ZBTB16: variants seen among roughly 807,000 people sequenced by gnomAD.
ZBTB16 encodes zinc finger and BTB domain containing 16.
In ZBTB16, 8 loss-of-function variants were observed where a neutral mutation model predicts 56.8. That is an observed-to-expected ratio of 0.14 (90% CI 0.08 to 0.25). The LOEUF is 0.25. Among genes scored for constraint, ZBTB16 ranks in the 10% least tolerant of loss-of-function variants. ZBTB16 has a pLI of 1.00. For missense variants in ZBTB16, 625 were observed against 903.0 expected, an observed-to-expected ratio of 0.69 and a Z score of 3.95; for synonymous variants, 363 against 368.5, an observed-to-expected ratio of 0.98 and a Z score of 0.17.
At chr11:114,224,995 G>A (rs910179246) in intron 4 of ZBTB16, among the ~76,000 whole-genome samples, 4 of 152,112 alleles carry the variant, frequency 2.6e-5, no homozygotes, top group African/African-American at 4.8e-5. Context: ...GAGGCAACGT[G>A]GGTAGGCAGC....
At chr11:114,167,216 G>GTTTTTTTTTTTTTGTTTTTTTT (rs1942783199) in intron 3 of ZBTB16, among the ~76,000 whole-genome samples, 1 of 79,940 alleles carries the variant, frequency 1.3e-5, no homozygotes, top group African/African-American at 4.4e-5. Context: ...TGGATTTGTG[G>GTTTTTTTTTTTTTGTTTTTTTT]TTTTTTTTTT....
At chr11:114,223,034 C>T (rs1944262564) in intron 4 of ZBTB16, among the ~76,000 whole-genome samples, 1 of 152,136 alleles carries the variant, frequency 6.6e-6, no homozygotes, top group Non-Finnish European at 1.5e-5. Flanking sequence ...ACATGTTCCA[C>T]CAGTGCCCAG....
chr11:114,089,267 T>A (rs950650568), intron 2 of ZBTB16, among the ~76,000 whole-genome samples: 3 of 152,166 alleles, frequency 2.0e-5, no homozygotes, highest in Non-Finnish European at 4.4e-5. Context: ...GGCAGGGATG[T>A]CTCATTTGTA....
intron 3 of ZBTB16, among the ~76,000 whole-genome samples, chr11:114,160,421 C>A (rs756302045): frequency 3.3e-5 from 5 of 152,180 alleles, no homozygotes; most frequent in African/African-American, 4.8e-5. Context: ...CCTTTCTCTC[C>A]CTGTCGTCCT....
chr11:114,185,585 C>T (rs932251571), intron 3 of ZBTB16, among the ~76,000 whole-genome samples: 3 of 152,302 alleles, frequency 2.0e-5, no homozygotes, highest in African/African-American at 7.2e-5. Context: ...GAGGAACCTG[C>T]ATCTGTTGAG....
At chr11:114,220,428 G>A (rs766079231) in intron 4 of ZBTB16, among the ~76,000 whole-genome samples, 3 of 152,182 alleles carry the variant, frequency 2.0e-5, no homozygotes, top group Middle Eastern at 3.2e-3. Flanking sequence ...TCTAGCCTCC[G>A]ATGCTTACAG....
chr11:114,064,697 ACTT>A lies in ZBTB16; in HGVS notation c.1268+135_1268+137del, dbSNP rs1198708131. 3.2e-6 allele frequency: 4 copies of A among 1,234,064 alleles called. No individual in the cohort carries two copies. Among genetic ancestry groups the A allele is most frequent in the East Asian group, 2.5e-5 (1 of 39,284 alleles). 76.4% of individuals were successfully genotyped at this position (1,234,064 alleles called of 1,614,324 possible). A position where few individuals can be genotyped will look rare whatever the true frequency, so the allele number is the denominator to read the frequency against. ...TGGCAATTTGTGAAAAAACCAGAAC[ACTT>A]CTTCTAAAGTTCTGGCGGGGAGGGG... On this transcript the variant is annotated intron_variant, in intron 2 of 6. Transcript: ENST00000335953. This position sits in a 1 kb window ranked among gnomAD's most constrained non-coding sequence, Gnocchi z 4.2.
chr11:114,078,334 G>C (rs946367026), intron 2 of ZBTB16, among the ~76,000 whole-genome samples: 2 of 152,180 alleles, frequency 1.3e-5, no homozygotes, highest in African/African-American at 2.4e-5. Flanking sequence ...CCTACAAGTT[G>C]TTGGCTGGTA....
At chr11:114,158,332 C>T (rs1181420211) in intron 3 of ZBTB16, among the ~76,000 whole-genome samples, 1 of 152,122 alleles carries the variant, frequency 6.6e-6, no homozygotes, top group Non-Finnish European at 1.5e-5. Flanking sequence ...AGTGCTGTAG[C>T]CAGACTCATT....
At chr11:114,106,828 C>G (rs1370272610) in intron 2 of ZBTB16, among the ~76,000 whole-genome samples, 3 of 152,234 alleles carry the variant, frequency 2.0e-5, no homozygotes, top group Admixed American at 2.0e-4. Flanking sequence ...TCCTTTTTAT[C>G]CTGCTTCCAA....
chr11:114,085,338 A>G (rs1165210646), intron 2 of ZBTB16, among the ~76,000 whole-genome samples: 1 of 152,196 alleles, frequency 6.6e-6, no homozygotes, highest in African/African-American at 2.4e-5. Flanking sequence ...AGGTCCCCCA[A>G]ACAGTGAGGC....
At chr11:114,216,855 C>A (rs424337) in intron 4 of ZBTB16, among the ~76,000 whole-genome samples, 1 of 152,128 alleles carries the variant, frequency 6.6e-6, no homozygotes, top group East Asian at 1.9e-4. Flanking sequence ...GACCCAGTCT[C>A]TTGATTCAAG....
chr11:114,156,277 A>C, intron 2 of ZBTB16, 60 bp from the exon 3 acceptor site: 1 of 1,556,812 alleles, frequency 6.4e-7, no homozygotes, highest in South Asian at 1.1e-5. Flanking sequence ...CAGGTAGGGG[A>C]TGGCCCTGCC....
Position 114,121,488 on chromosome 11 carries a change from G to C in ZBTB16, c.1269-34849G>C, listed in dbSNP as rs1442472277. ...GTCGTCTTTCTTATTCTCATGCCTG[G>C]TTCTTGATTGTGGCTAGCACCATGG... On this transcript the variant is annotated intron_variant, in intron 2 of 6. Coordinates refer to ENST00000335953, the MANE Select transcript of ZBTB16 (RefSeq NM_006006.6). Among the ~76,000 whole-genome samples, 6 of 152,234 alleles carry C rather than the reference G, an allele frequency of 3.9e-5. 1 individual carries two copies. The highest frequency in any genetic ancestry group is 3.9e-4 in the Admixed American group (6 of 15,294).
In ZBTB16 at chr11:114,117,404, G is replaced by A. The variant is rs374211540; in HGVS notation, c.1269-38933G>A. Among the ~76,000 whole-genome samples, 43 of 152,140 alleles carry A rather than the reference G, an allele frequency of 2.8e-4. No homozygotes were observed. The East Asian group carries it at 6.0e-3, about 21-fold the overall frequency. On this transcript the variant is annotated intron_variant, in intron 2 of 6. Transcript: ENST00000335953. ...CACAGCATTGGGGATGGATATGTGG[G>A]AGTCAGAGGAACCACCTAGGAGCCC...
intron 4 of ZBTB16, among the ~76,000 whole-genome samples, chr11:114,210,233 A>G (rs955166817): frequency 2.0e-5 from 3 of 151,614 alleles, no homozygotes; most frequent in Non-Finnish European, 2.9e-5. Flanking sequence ...TCGGGTTCCC[A>G]AGCATTTACT....
At chr11:114,090,600 ATG>A (rs922602050) in intron 2 of ZBTB16, among the ~76,000 whole-genome samples, 2 of 152,186 alleles carry the variant, frequency 1.3e-5, no homozygotes, top group African/African-American at 2.4e-5. Context: ...GAGCTTCCAA[ATG>A]TGTGGCTTTG....
At chr11:114,091,933 C>A (rs1184265831) in intron 2 of ZBTB16, among the ~76,000 whole-genome samples, 2 of 152,190 alleles carry the variant, frequency 1.3e-5, no homozygotes, top group Non-Finnish European at 2.9e-5. Flanking sequence ...AATGACCAGG[C>A]CTGTGCGCCC....
intron 4 of ZBTB16, chr11:114,188,187 A>G (rs1024126171): frequency 6.6e-6 from 1 of 152,558 alleles, no homozygotes; most frequent in Non-Finnish European, 1.5e-5. Flanking sequence ...CCTGGTGCCT[A>G]AAAGGTTGGG....
Sources: gnomAD v4.1 joint callset for allele counts (sites outside exome capture counted in the v4.1 genomes callset) on GRCh38, gnomAD v4.1.1 for gene constraint, Gnocchi (gnomAD v3.1) non-coding constraint, MANE v1.5 for transcripts, NCBI Gene and HGNC (gene_info 2026-07-23, HGNC 2026-07-21) for gene names.